ZNF721: variants seen among roughly 807,000 people sequenced by gnomAD.
The protein encoded by ZNF721 is zinc finger protein 721.
In ZNF721, 2 loss-of-function variants were observed where a neutral mutation model predicts 2.4. That is an observed-to-expected ratio of 0.82 (90% CI 0.34 to 2.58). ZNF721 has a LOEUF of 2.58. ZNF721 is among the 30% of genes most tolerant of loss of function. ZNF721 has a pLI of 0.11. For synonymous variants in ZNF721, 398 were observed against 381.8 expected, an observed-to-expected ratio of 1.04 and a Z score of -0.50; for missense variants, 1,187 against 1,085.5, an observed-to-expected ratio of 1.09 and a Z score of -1.31.
intron 1 of ZNF721, among the ~76,000 whole-genome samples, chr4:478,411 C>T (rs1264589290): frequency 2.6e-5 from 4 of 152,070 alleles, no homozygotes; most frequent in Non-Finnish European, 4.4e-5. Flanking sequence ...ATGCACTCTC[C>T]CTGTGTTGTC....
In ZNF721 at chr4:475,471, T is replaced by C. The variant is rs144758820; in HGVS notation, c.-93-2770A>G. On this transcript the variant is annotated intron_variant, in intron 1 of 2. Coordinates refer to ENST00000511833, the MANE Select transcript of ZNF721 (RefSeq NM_133474.4). ...TCATTGTGTTCACAGTATCTCTTAA[T>C]CAGCAAGCATCTCACTTTGGTCCTA... Among the ~76,000 whole-genome samples, 203 of 152,292 alleles carry C rather than the reference T, an allele frequency of 1.3e-3. 1 individual carries two copies. Among genetic ancestry groups the C allele is most frequent in the Non-Finnish European group, 2.1e-3 (141 of 68,018 alleles).
chr4:462,437 A>G (rs1553866227), intron 2 of ZNF721, among the ~76,000 whole-genome samples: 3 of 152,254 alleles, frequency 2.0e-5, no homozygotes, highest in African/African-American at 7.2e-5. Context: ...AATAGCCCAT[A>G]TAGTCAAGAC....
intron 1 of ZNF721, among the ~76,000 whole-genome samples, chr4:473,333 A>C (rs565838663): frequency 6.6e-6 from 1 of 152,204 alleles, no homozygotes; most frequent in Admixed American, 6.5e-5. Flanking sequence ...GGCTAGAGAA[A>C]GCAGACACAG....
intron 2 of ZNF721, among the ~76,000 whole-genome samples, chr4:465,789 A>G (rs570466014): frequency 1.3e-5 from 2 of 151,856 alleles, no homozygotes; most frequent in East Asian, 3.9e-4. Context: ...TTACAAAAAA[A>G]AAACAAAACA....
chr4:498,215 G>GAAAAA (rs797042296), intron 1 of ZNF721, among the ~76,000 whole-genome samples: 1,293 of 83,992 alleles, frequency 0.015, 1 homozygote, highest in African/African-American at 0.031. Flanking sequence ...AAAAGAAAAA[G>GAAAAA]AAAAAAAAAA....
At chr4:445,578 A>T (rs1343071501) in intron 2 of ZNF721, among the ~76,000 whole-genome samples, 3 of 152,244 alleles carry the variant, frequency 2.0e-5, no homozygotes, top group Non-Finnish European at 4.4e-5. Context: ...CTAATTTTTT[A>T]AATGTAATCT....
Position 443,885 on chromosome 4 carries a change from T to G in ZNF721, c.582A>C (p.Thr194=). The change falls in exon 3 of 3, where the codon ACA becomes ACC. Residue 194 remains threonine, a synonymous_variant. Transcript: ENST00000511833. ...KRIHNREKAY[T]GEDRDRAFGW... ...CAAAGGCTCTGTCACGATCTTCACCTGTGTAAGCTTTCTCTCTGTTGTGAA... is the reference window on the plus strand; with the variant it reads ...CAAAGGCTCTGTCACGATCTTCACCGGTGTAAGCTTTCTCTCTGTTGTGAA... 1 of 1,614,070 alleles carries G rather than the reference T, an allele frequency of 6.2e-7. No homozygotes were observed.
chr4:489,900 G>A (rs1300408084), intron 1 of ZNF721, among the ~76,000 whole-genome samples: 8 of 151,918 alleles, frequency 5.3e-5, no homozygotes, highest in Admixed American at 1.3e-4. Flanking sequence ...TTGCTCTGTC[G>A]CCAGGTTGGA....
In ZNF721 at chr4:441,647, TTA is replaced by T. The variant is rs782583829; in HGVS notation, c.*46_*47del. 1 of 1,476,830 alleles carries T rather than the reference TTA, an allele frequency of 6.8e-7. No individual in the cohort carries two copies. The highest frequency in any genetic ancestry group is 9.1e-7 in the Non-Finnish European group (1 of 1,095,306). 91.5% of individuals were successfully genotyped at this position (1,476,830 alleles called of 1,614,324 possible). ...AGACATTCCCCTGGTATGAGTTCTC[TTA>T]TGTTTAAGAATGCTGTAGTATGACT... On this transcript the variant is annotated 3_prime_UTR_variant, in exon 3 of 3. Coordinates refer to ENST00000511833, the MANE Select transcript of ZNF721 (RefSeq NM_133474.4).
rs782434026 is a variant in ZNF721 at position 443,594 on chromosome 4, G to T, written c.873C>A (p.Thr291=). ...TATGAATTCTCCTATGTTTAGTAAG[G>T]GTTGTGGAAATATTAAAGGCTTTAC... The part of the protein sequence containing the change: ...ECGKAFNIST[T]LTKHRRIHTG... Residue 291 remains threonine (T), a synonymous_variant, in exon 3 of 3, where the codon ACC becomes ACA. Coordinates refer to ENST00000511833, the MANE Select transcript of ZNF721 (RefSeq NM_133474.4). The T allele has an allele frequency of 1.2e-6, 2 of 1,613,958 alleles. No individual in the cohort carries two copies. Among genetic ancestry groups the T allele is most frequent in the South Asian group, 2.2e-5 (2 of 91,068 alleles).
At chr4:476,768 C>G (rs1415010651) in intron 1 of ZNF721, among the ~76,000 whole-genome samples, 1 of 152,218 alleles carries the variant, frequency 6.6e-6, no homozygotes, top group African/African-American at 2.4e-5. Context: ...ATTTGATTCT[C>G]TCATGGTTGT....
At chr4:465,261 C>T (rs1205357736) in intron 2 of ZNF721, among the ~76,000 whole-genome samples, 6 of 152,094 alleles carry the variant, frequency 3.9e-5, no homozygotes, top group Non-Finnish European at 8.8e-5. Flanking sequence ...GTGGCGTGTA[C>T]TTGTATTCCC....
At chr4:451,085 A>T (rs2108693918) in intron 2 of ZNF721, among the ~76,000 whole-genome samples, 1 of 150,830 alleles carries the variant, frequency 6.6e-6, no homozygotes, top group Non-Finnish European at 1.5e-5. Context: ...GGAAACACAA[A>T]TGTCCCTTTA....
intron 2 of ZNF721, among the ~76,000 whole-genome samples, chr4:467,796 C>T (rs920427068): frequency 4.6e-5 from 7 of 152,088 alleles, no homozygotes; most frequent in African/African-American, 1.2e-4. Context: ...AGTCACAGTC[C>T]GTGGCCACTC....
In ZNF721 at chr4:442,448, C is replaced by T; in HGVS notation, c.2019G>A (p.Glu673=). 6.2e-7 allele frequency: 1 copy of T among 1,613,714 alleles called. No homozygotes were observed. The highest frequency in any genetic ancestry group is 8.5e-7 in the Non-Finnish European group (1 of 1,179,810). ...LTGEQSYKCE[E]CGKAFGWSIA... ...TGGACCATCCAAAGGCTTTGCCACA[C>T]TCTTCACATTTGTAACTTTGCTCTC... Residue 673 remains glutamate (E), a synonymous_variant, in exon 3 of 3, where the codon GAG becomes GAA. Transcript: ENST00000511833.
At chr4:459,677 A>G (rs1714956144) in intron 2 of ZNF721, among the ~76,000 whole-genome samples, 1 of 152,006 alleles carries the variant, frequency 6.6e-6, no homozygotes, top group South Asian at 2.1e-4. Flanking sequence ...TAAAAATACA[A>G]AAAATTAGCC....
intron 2 of ZNF721, among the ~76,000 whole-genome samples, chr4:465,380 CTA>C (rs1385822405): frequency 6.6e-6 from 1 of 151,780 alleles, no homozygotes; most frequent in Non-Finnish European, 1.5e-5. Context: ...AAGCAAGACC[CTA>C]TGTGAATAAA....
At chr4:481,868 T>C (rs1272752174) in intron 1 of ZNF721, among the ~76,000 whole-genome samples, 1 of 152,236 alleles carries the variant, frequency 6.6e-6, no homozygotes, top group Non-Finnish European at 1.5e-5. Context: ...CTCAAAAGAA[T>C]ATTTGGTAGT....
intron 2 of ZNF721, among the ~76,000 whole-genome samples, chr4:471,780 T>C (rs552135037): frequency 3.9e-5 from 6 of 152,246 alleles, no homozygotes; most frequent in East Asian, 1.9e-4. Flanking sequence ...TATGAGGTAA[T>C]AGATATGTTG....
Sources: allele counts gnomAD v4.1 joint callset (sites outside exome capture counted in the v4.1 genomes callset), GRCh38; gene constraint gnomAD v4.1.1; transcripts MANE v1.5; gene names NCBI Gene and HGNC (gene_info 2026-07-23, HGNC 2026-07-21).